Variants in SMG6 observed in about 807,000 individuals in gnomAD.
The protein encoded by SMG6 is telomerase-binding protein EST1A.
Under a neutral mutation model 142.2 loss-of-function variants are expected in SMG6, and 66 were observed. The observed-to-expected ratio is 0.46, with a 90% CI of 0.38 to 0.57. The LOEUF (loss-of-function observed/expected upper bound fraction) is 0.57, where lower values mean the gene tolerates loss of function less well. Among genes scored for constraint, SMG6 ranks in the 20% least tolerant of loss-of-function variants. SMG6 has a pLI of 0.00. For missense variants in SMG6, 1,793 were observed against 1,832.0 expected (o/e 0.98, Z 0.39); for synonymous variants, 779 against 702.4 (o/e 1.11, Z -1.72).
intron 13 of SMG6, chr17:2,088,117 T>C: frequency 1.0e-6 from 1 of 985,400 alleles, no homozygotes; most frequent in Non-Finnish European, 1.2e-6. Context: ...CTGGCACCCC[T>C]GCTAAGTGTG....
At chr17:2,196,219 C>T (rs149558570) in intron 10 of SMG6, among the ~76,000 whole-genome samples, 1,562 of 152,220 alleles carry the variant, frequency 0.01, 31 homozygotes, top group African/African-American at 0.035. Flanking sequence ...ATCAGGAGTT[C>T]GAGACCAGCC....
intron 12 of SMG6, among the ~76,000 whole-genome samples, chr17:2,180,772 C>A (rs1484851124): frequency 6.6e-6 from 1 of 152,190 alleles, no homozygotes; most frequent in East Asian, 1.9e-4. Context: ...AAGGGTCCCA[C>A]ATGTCAGAGG....
chr17:2,181,560 C>T (rs757335112), intron 12 of SMG6, among the ~76,000 whole-genome samples: 3 of 152,268 alleles, frequency 2.0e-5, no homozygotes, highest in Non-Finnish European at 4.4e-5. Context: ...GTATCCACAG[C>T]TACGGTAACG....
At chr17:2,109,410 C>T (rs563513187) in intron 13 of SMG6, among the ~76,000 whole-genome samples, 30 of 152,180 alleles carry the variant, frequency 2.0e-4, no homozygotes, top group African/African-American at 2.6e-4. Flanking sequence ...ATTATAGGCG[C>T]GTGCCACCAC....
intron 13 of SMG6, among the ~76,000 whole-genome samples, chr17:2,169,151 C>T (rs186878694): frequency 4.9e-4 from 74 of 151,790 alleles, no homozygotes; most frequent in African/African-American, 1.7e-3. Flanking sequence ...TGCCTGTAAT[C>T]CCAGCTACTC....
intron 9 of SMG6, among the ~76,000 whole-genome samples, chr17:2,241,739 C>T (rs1037844115): frequency 6.6e-6 from 1 of 152,148 alleles, no homozygotes; most frequent in African/African-American, 2.4e-5. Flanking sequence ...AAACTTATTC[C>T]AAAATATGTG....
chr17:2,074,415 G>A (rs1297504704), intron 15 of SMG6, among the ~76,000 whole-genome samples: 1 of 152,176 alleles, frequency 6.6e-6, no homozygotes, highest in Non-Finnish European at 1.5e-5. Context: ...GCTAGAAAAG[G>A]CAGGCAGAGC....
chr17:2,085,163 GAC>G lies in SMG6; in HGVS notation c.3534+560_3534+561del, dbSNP rs749338637. 7.2e-5 allele frequency among the ~76,000 whole-genome samples: 11 copies of G among 151,758 alleles called. No individual in the cohort carries two copies. The highest frequency in any genetic ancestry group is 3.4e-3 in the Middle Eastern group (1 of 290). On this transcript the variant is annotated intron_variant, in intron 14 of 18. Coordinates refer to ENST00000263073, the MANE Select transcript of SMG6 (RefSeq NM_017575.5). This position sits in a 1 kb window ranked among gnomAD's most constrained non-coding sequence, Gnocchi z 4.1. The stretch of plus-strand genomic sequence containing the variant: ...ACACAGACGCGCACACACACACACA[GAC>G]ACACACACACGAGTCTGGAGTGAAG...
At chr17:2,280,496 C>T (rs2074761198) in intron 8 of SMG6, 4 of 622,946 alleles carry the variant, frequency 6.4e-6, no homozygotes, top group Non-Finnish European at 8.0e-6. Flanking sequence ...AACTCCTGAC[C>T]TTGTGATCTG....
Position 2,119,193 on chromosome 17 carries a change from G to T in SMG6, c.3358-33292C>A, listed in dbSNP as rs560471090. Among the ~76,000 whole-genome samples the T allele has an allele frequency of 2.1e-3, 321 of 152,130 alleles. 2 individuals carry two copies. Among genetic ancestry groups the T allele is most frequent in the African/African-American group, 7.5e-3 (311 of 41,506 alleles). On this transcript the variant is annotated intron_variant, in intron 13 of 18. Coordinates refer to ENST00000263073, the MANE Select transcript of SMG6 (RefSeq NM_017575.5). ...CTGACTCAGCCTCCCAAATAGCTGG[G>T]ATTATAGGCATGTGCCACCACGCCC...
At chr17:2,165,934 G>A (rs946751524) in intron 13 of SMG6, among the ~76,000 whole-genome samples, 21 of 151,948 alleles carry the variant, frequency 1.4e-4, no homozygotes, top group South Asian at 4.2e-4. Context: ...CAAAATGGAC[G>A]GGCGCGGTGA....
rs372952655 is a variant in SMG6 at position 2,298,073 on chromosome 17, C to T, written c.1848-18G>A. The T allele has an allele frequency of 1.7e-5, 27 of 1,579,906 alleles. No individual in the cohort carries two copies. In the South Asian group the frequency reaches 2.4e-4, roughly 14 times the overall value. On this transcript the variant is annotated intron_variant, in intron 2 of 18. Transcript: ENST00000263073. ...GTTCAGCTCTGGAATAAAATACATGCAACTTCCAGCTCCAAATACACCACA... is the reference window on the plus strand; with the variant it reads ...GTTCAGCTCTGGAATAAAATACATGTAACTTCCAGCTCCAAATACACCACA...
At chr17:2,238,632 C>T (rs1026713747) in intron 9 of SMG6, among the ~76,000 whole-genome samples, 4 of 152,186 alleles carry the variant, frequency 2.6e-5, no homozygotes, top group Admixed American at 2.0e-4. Context: ...TGTTGAAAGG[C>T]AGTAGAGAGC....
intron 8 of SMG6, among the ~76,000 whole-genome samples, chr17:2,274,869 C>T (rs1358831155): frequency 6.6e-6 from 1 of 152,104 alleles, no homozygotes; most frequent in Non-Finnish European, 1.5e-5. Context: ...GACCTGTATT[C>T]CTAACACTTT....
chr17:2,272,343 C>T (rs1474756061), intron 8 of SMG6, among the ~76,000 whole-genome samples: 2 of 152,192 alleles, frequency 1.3e-5, no homozygotes, highest in African/African-American at 2.4e-5. Context: ...TCACCCCAAA[C>T]CATGCCTCTG....
In SMG6 at chr17:2,061,604, A is replaced by T; in HGVS notation, c.4148T>A (p.Leu1383Gln). 6.4e-7 allele frequency: 1 copy of T among 1,572,614 alleles called. No homozygotes were observed. Among genetic ancestry groups the T allele is most frequent in the East Asian group, 2.4e-5 (1 of 42,314 alleles). ...ATCCGTCAACAGCACCACCTCCCGC[A>T]GTAGCCGGATTGGCTCCTCTGTGGG... is the stretch of plus-strand genomic sequence containing the variant. ...PASKEEPIRL[L>Q]REVVLLTDDR... Residue 1383 changes from leucine (L) to glutamine (Q), a missense_variant, in exon 19 of 19, where the codon CTG becomes CAG. Leu to Gln is a moderately radical substitution (Grantham distance 113). Around this residue, in one of 3 missense-constraint regions of SMG6, gnomAD observed 179 missense variants for 212.6 expected, o/e 0.84. Coordinates refer to ENST00000263073, the MANE Select transcript of SMG6 (RefSeq NM_017575.5).
intron 8 of SMG6, among the ~76,000 whole-genome samples, chr17:2,274,488 A>G (rs760549094): frequency 2.0e-4 from 30 of 152,242 alleles, no homozygotes; most frequent in Non-Finnish European, 7.3e-5. Context: ...GAAGAAGAGC[A>G]AAAGGAGAGA....
At chr17:2,213,387 T>C (rs1187149580) in intron 10 of SMG6, among the ~76,000 whole-genome samples, 2 of 152,216 alleles carry the variant, frequency 1.3e-5, no homozygotes, top group East Asian at 3.9e-4. Flanking sequence ...CAGATGGAGC[T>C]GTGGAGGCTG....
At chr17:2,238,988 G>T (rs1375801318) in intron 9 of SMG6, among the ~76,000 whole-genome samples, 1 of 152,080 alleles carries the variant, frequency 6.6e-6, no homozygotes, top group South Asian at 2.1e-4. Context: ...AACCACGGGA[G>T]GCACAGATAA....
Sources: allele counts gnomAD v4.1 joint callset (sites outside exome capture counted in the v4.1 genomes callset), GRCh38; gene constraint gnomAD v4.1.1; regional missense constraint gnomAD v4.1.1; non-coding constraint Gnocchi (gnomAD v3.1); transcripts MANE v1.5; gene names NCBI Gene and HGNC (gene_info 2026-07-23, HGNC 2026-07-21).